The following ESPN variants were observed in gnomAD, a reference collection of about 807,000 sequenced individuals.
ESPN encodes the protein espin.
Under a neutral mutation model 77.7 loss-of-function variants are expected in ESPN, and 68 were observed. That is an observed-to-expected ratio of 0.87 (90% CI 0.72 to 1.07). The LOEUF is 1.07. ESPN is among the 50% of genes least tolerant of loss of function. The pLI is 0.00. For synonymous variants in ESPN, 449 were observed against 567.1 expected (o/e 0.79, Z 2.96); for missense variants, 1,060 against 1,239.0 (o/e 0.86, Z 2.17).
In ESPN at chr1:6,427,995, A is replaced by G. The variant is rs1643101834; in HGVS notation, c.295-231A>G. Among the ~76,000 whole-genome samples, 1 of 152,208 alleles carries G rather than the reference A, an allele frequency of 6.6e-6. No individual in the cohort carries two copies. ...CTGAAAACCCTGCACGGTGCTGCCT[A>G]TTGGCTACGGTTCAGAGAGGGCCAG... On this transcript the variant is annotated intron_variant, in intron 1 of 12. Transcript: ENST00000645284. This position sits in a 1 kb window ranked among gnomAD's most constrained non-coding sequence, Gnocchi z 4.6.
chr1:6,451,556 G>A lies in ESPN; in HGVS notation c.1916-47G>A. 6.3e-7 allele frequency: 1 copy of A among 1,598,372 alleles called. No individual in the cohort carries two copies. Among genetic ancestry groups the A allele is most frequent in the Middle Eastern group, 1.7e-4 (1 of 5,750 alleles). On this transcript the variant is annotated intron_variant, in intron 8 of 12. Transcript: ENST00000645284. The surrounding 1 kb of genome is among the most constrained non-coding windows in gnomAD (Gnocchi z 4.3). ...AGAGGGGCGGGTGAGGGGTGGCGGG[G>A]ATGCAGCCCCACCCTGGCCAGTGCC...
At chr1:6,432,619 G>A (rs779738262) in intron 2 of ESPN, among the ~76,000 whole-genome samples, 34 of 152,206 alleles carry the variant, frequency 2.2e-4, no homozygotes, top group Non-Finnish European at 3.4e-4. Context: ...CTGGGGCTCT[G>A]TAAGCAGCAC....
intron 5 of ESPN, among the ~76,000 whole-genome samples, chr1:6,444,222 T>C (rs1407398063): frequency 6.6e-6 from 1 of 152,160 alleles, no homozygotes; most frequent in East Asian, 1.9e-4. Flanking sequence ...TCCTTGTCGA[T>C]CTCTCCACCC....
In ESPN at chr1:6,452,042, G is replaced by C; in HGVS notation, c.2271G>C (p.Val757=). 1 of 1,581,068 alleles carries C rather than the reference G, an allele frequency of 6.3e-7. No individual in the cohort carries two copies. Residue 757 remains valine (V), a synonymous_variant, in exon 10 of 13, where the codon GTG becomes GTC. Coordinates refer to ENST00000645284, the MANE Select transcript of ESPN (RefSeq NM_031475.3). ...GRPIPEWKRQ[V]MVRKMQLKMQ... is the part of the protein sequence containing the mutation. ...CCATCCCCGAGTGGAAGCGCCAGGT[G>C]ATGGTGCGCAAGATGCAGCTGAAGA... is the stretch of plus-strand genomic sequence containing the variant.
rs1470684362 is a variant in ESPN, at chr1:6,444,586, C to G, written c.1096C>G (p.Leu366Val). 1 of 1,613,958 alleles carries G rather than the reference C, an allele frequency of 6.2e-7. No individual in the cohort carries two copies. Among genetic ancestry groups the G allele is most frequent in the Non-Finnish European group, 8.5e-7 (1 of 1,179,906 alleles). Reference protein sequence around the residue: ...SPNTTVSVQPLNFDLSSPTST... With the variant: ...SPNTTVSVQPVNFDLSSPTST... ...CAATACCACGGTGTCGGTCCAGCCGCTGAACTTTGACCTCAGCTCGCCTAC... is the reference window on the plus strand; with the variant it reads ...CAATACCACGGTGTCGGTCCAGCCGGTGAACTTTGACCTCAGCTCGCCTAC... The change falls in exon 6 of 13, where the codon CTG becomes GTG. Residue 366 changes from leucine (L) to valine (V), a missense_variant. Physicochemically the swap from Leu to Val is conservative, Grantham distance 32. Around this residue, in one of 3 missense-constraint regions of ESPN, gnomAD observed 556 missense variants for 633.6 expected, o/e 0.88. Coordinates refer to ENST00000645284, the MANE Select transcript of ESPN (RefSeq NM_031475.3).
chr1:6,431,103 G>A (rs566238190), intron 2 of ESPN, among the ~76,000 whole-genome samples: 2 of 152,228 alleles, frequency 1.3e-5, no homozygotes, highest in Non-Finnish European at 2.9e-5. Context: ...GGCTGTGGGG[G>A]TCAGGGAGCT....
At chr1:6,436,121 T>C (rs1435559035) in intron 2 of ESPN, among the ~76,000 whole-genome samples, 2 of 152,050 alleles carry the variant, frequency 1.3e-5, no homozygotes, top group Non-Finnish European at 2.9e-5. Flanking sequence ...AGGGCAGTGG[T>C]CTGTGCGGTG....
At chr1:6,452,897 A>ATTTATT (rs1553169573) in intron 10 of ESPN, among the ~76,000 whole-genome samples, 1 of 138,724 alleles carries the variant, frequency 7.2e-6, no homozygotes, top group African/African-American at 3.4e-5. Context: ...ATTTATTTTT[A>ATTTATT]TTTTTTATTT....
chr1:6,434,414 G>A (rs992817503), intron 2 of ESPN, among the ~76,000 whole-genome samples: 6 of 152,080 alleles, frequency 3.9e-5, no homozygotes, highest in South Asian at 4.1e-4. Flanking sequence ...TTGTCTTCCC[G>A]GCTCTGTATG....
In ESPN at chr1:6,428,515, A is replaced by C. The variant is rs1486291708; in HGVS notation, c.488+96A>C. ...CCACGCCTCTCTGGCACTCCAGGGCAATGATCCCTCCAGTGGCCATCCTGG... is the reference window on the plus strand; with the variant it reads ...CCACGCCTCTCTGGCACTCCAGGGCCATGATCCCTCCAGTGGCCATCCTGG... On this transcript the variant is annotated intron_variant, in intron 2 of 12. Coordinates refer to ENST00000645284, the MANE Select transcript of ESPN (RefSeq NM_031475.3). This position sits in a 1 kb window ranked among gnomAD's most constrained non-coding sequence, Gnocchi z 5.4. 8.9e-7 allele frequency: 1 copy of C among 1,118,342 alleles called. No homozygotes were observed. Among genetic ancestry groups the C allele is most frequent in the African/African-American group, 1.6e-5 (1 of 63,380 alleles). The allele number at this position is 1,118,342 out of a possible 1,614,324, so 69.3% of individuals were successfully genotyped here.
chr1:6,446,138 T>C lies in ESPN; in HGVS notation c.1464+203T>C, dbSNP rs6688080. ...CTGGGAGGAGAGTAAGAGCAGGTCA[T>C]TGCCCTCCATGGGAGCTGGGGGGTG... is the stretch of plus-strand genomic sequence containing the variant. On this transcript the variant is annotated intron_variant, in intron 7 of 12. Transcript: ENST00000645284. Among the ~76,000 whole-genome samples the C allele has an allele frequency of 3.2e-3, 487 of 152,200 alleles. 2 individuals are homozygous for C. The highest frequency in any genetic ancestry group is 4.8e-3 in the Non-Finnish European group (326 of 67,990).
chr1:6,444,033 C>T (rs953741521), intron 5 of ESPN, among the ~76,000 whole-genome samples: 1 of 152,192 alleles, frequency 6.6e-6, no homozygotes, highest in Non-Finnish European at 1.5e-5. Context: ...GGAGACAGGC[C>T]GGGCTGGTGT....
At chr1:6,459,027 G>A (rs1386272248) in intron 12 of ESPN, among the ~76,000 whole-genome samples, 5 of 151,858 alleles carry the variant, frequency 3.3e-5, no homozygotes, top group Non-Finnish European at 7.4e-5. Flanking sequence ...GATCACCTGA[G>A]GTCAGGAGTT....
At chr1:6,444,402 G>T in intron 5 of ESPN, 79 bp from the exon 6 acceptor site, 2 of 1,443,888 alleles carry the variant, frequency 1.4e-6, no homozygotes, top group South Asian at 1.2e-5. Context: ...GCGAAGGCAT[G>T]ACTGAGTAGG....
intron 2 of ESPN, among the ~76,000 whole-genome samples, chr1:6,438,256 A>G (rs1643504643): frequency 6.6e-6 from 1 of 152,336 alleles, no homozygotes; most frequent in African/African-American, 2.4e-5. Flanking sequence ...ACACCAGGCC[A>G]GCCATAGACC....
rs778658277 is a variant in ESPN at position 6,440,828 on chromosome 1, G to T, written c.858+20G>T. 19 of 1,456,276 alleles carry T rather than the reference G, an allele frequency of 1.3e-5. No individual in the cohort carries two copies. The African/African-American group carries it at 2.5e-4, about 19-fold the overall frequency. 90.2% of individuals were successfully genotyped at this position (1,456,276 alleles called of 1,614,324 possible). ...CTAGAGGTCAGCGCGGGCCCGGGGT[G>T]GGGGCGCGCGCCCTCTGCTGGCACC... On this transcript the variant is annotated intron_variant, in intron 4 of 12. Coordinates refer to ENST00000645284, the MANE Select transcript of ESPN (RefSeq NM_031475.3).
At chr1:6,435,118 CT>C (rs1569612835) in intron 2 of ESPN, among the ~76,000 whole-genome samples, 1 of 152,206 alleles carries the variant, frequency 6.6e-6, no homozygotes, top group East Asian at 1.9e-4. Flanking sequence ...TGGGCCAGGC[CT>C]ACTCGGGAAT....
At position 6,440,606 on chromosome 1, in the gene ESPN, T is replaced by TCCCCCCCCCGGCCCC; in HGVS notation, c.676-16_676-15insCCCCCGGCCCCCCCC. On this transcript the variant is annotated intron_variant, in intron 3 of 12. Coordinates refer to ENST00000645284, the MANE Select transcript of ESPN (RefSeq NM_031475.3). The stretch of plus-strand genomic sequence containing the variant: ...CTGGCGCCCAGCCCCCGCCCCCCTC[T>TCCCCCCCCCGGCCCC]CCCCGCCCGTCCCGCCCAGGTGAGC... 1.1e-6 allele frequency: 1 copy of TCCCCCCCCCGGCCCC among 870,492 alleles called. No homozygotes were observed. The highest frequency in any genetic ancestry group is 1.7e-6 in the Non-Finnish European group (1 of 588,354). The allele number at this position is 870,492 out of a possible 1,614,324, so 53.9% of individuals were successfully genotyped here. A position where few individuals can be genotyped will look rare whatever the true frequency, so the allele number is the denominator to read the frequency against.
intron 2 of ESPN, among the ~76,000 whole-genome samples, chr1:6,435,086 A>T (rs112906372): frequency 1.3e-5 from 2 of 152,060 alleles, no homozygotes; most frequent in South Asian, 2.1e-4. Flanking sequence ...ACCTTTCTCA[A>T]ATCAGGGCTG....
Sources: gnomAD v4.1 joint callset for allele counts (sites outside exome capture counted in the v4.1 genomes callset) on GRCh38, gnomAD v4.1.1 for gene constraint, gnomAD v4.1.1 regional missense constraint, Gnocchi (gnomAD v3.1) non-coding constraint, MANE v1.5 for transcripts, NCBI Gene and HGNC (gene_info 2026-07-23, HGNC 2026-07-21) for gene names.